LMX1A: variants seen among roughly 807,000 people sequenced by gnomAD.
The protein encoded by LMX1A is LIM homeobox transcription factor 1 alpha.
A neutral mutation model predicts 49.1 loss-of-function variants in LMX1A; 15 were observed. That is an observed-to-expected ratio of 0.31 (90% CI 0.20 to 0.47). The LOEUF (loss-of-function observed/expected upper bound fraction) is 0.47, where lower values mean the gene tolerates loss of function less well. LMX1A is among the 20% of genes least tolerant of loss of function. LMX1A has a pLI of 1.00. For synonymous variants in LMX1A, 167 were observed against 185.7 expected (o/e 0.90, Z 0.82); for missense variants, 372 against 475.8 (o/e 0.78, Z 2.03).
chr1:165,321,853 A>G (rs1196962984), intron 3 of LMX1A, among the ~76,000 whole-genome samples: 2 of 152,202 alleles, frequency 1.3e-5, no homozygotes, highest in African/African-American at 2.4e-5. Context: ...TTTGCAAATC[A>G]TATAACATAT....
At chr1:165,246,522 C>T (rs1440446386) in intron 4 of LMX1A, among the ~76,000 whole-genome samples, 1 of 152,180 alleles carries the variant, frequency 6.6e-6, no homozygotes, top group East Asian at 1.9e-4. Flanking sequence ...AGTAGTTTTA[C>T]TCTTTGTTAG....
intron 8 of LMX1A, 113 bp from the exon 9 acceptor site, chr1:165,204,153 A>C: frequency 8.9e-7 from 1 of 1,123,002 alleles, no homozygotes; most frequent in Non-Finnish European, 1.3e-6. Flanking sequence ...TCCAGGTGAA[A>C]CTTTCTACAA....
At chr1:165,350,602 C>T (rs995983245) in intron 3 of LMX1A, among the ~76,000 whole-genome samples, 24 of 151,960 alleles carry the variant, frequency 1.6e-4, no homozygotes, top group East Asian at 1.2e-3. Context: ...GATACCAACA[C>T]GCAGACTAAG....
intron 4 of LMX1A, among the ~76,000 whole-genome samples, chr1:165,242,942 AAAAAAC>A (rs1457958056): frequency 1.3e-5 from 2 of 151,366 alleles, no homozygotes; most frequent in Admixed American, 6.6e-5. Flanking sequence ...AAAAAAAAAA[AAAAAAC>A]AAAACAAAAA....
At chr1:165,226,093 T>C (rs1242605689) in intron 4 of LMX1A, among the ~76,000 whole-genome samples, 5 of 152,128 alleles carry the variant, frequency 3.3e-5, no homozygotes, top group Admixed American at 2.6e-4. Context: ...AGGACAAGTA[T>C]AACGTAACCT....
intron 3 of LMX1A, among the ~76,000 whole-genome samples, chr1:165,273,845 A>G (rs1049724214): frequency 6.6e-6 from 1 of 152,240 alleles, no homozygotes; most frequent in Non-Finnish European, 1.5e-5. Context: ...ATGAAGGCCA[A>G]CTACAAATGA....
intron 4 of LMX1A, among the ~76,000 whole-genome samples, chr1:165,224,998 C>A (rs910010728): frequency 1.3e-5 from 2 of 152,092 alleles, no homozygotes; most frequent in Non-Finnish European, 2.9e-5. Context: ...AAGAGAAACC[C>A]CAAATTATGC....
At chr1:165,303,197 G>A (rs577895786) in intron 3 of LMX1A, among the ~76,000 whole-genome samples, 1 of 152,272 alleles carries the variant, frequency 6.6e-6, no homozygotes, top group Non-Finnish European at 1.5e-5. Context: ...AACGCTCCTT[G>A]TGTGCCAAAA....
At position 165,310,888 on chromosome 1, in the gene LMX1A, G is replaced by A. The variant is rs117724836; in HGVS notation, c.263+42188C>T. On this transcript the variant is annotated intron_variant, in intron 3 of 8. Transcript: ENST00000342310. ...TATGTTGTATTTGATTATGATTCCC[G>A]GAATAATCTTGGATAAATGTGATCA... Among the ~76,000 whole-genome samples, 14 of 152,214 alleles carry A rather than the reference G, an allele frequency of 9.2e-5. No individual in the cohort carries two copies. In the East Asian group the frequency reaches 2.7e-3, roughly 29 times the overall value.
At chr1:165,319,022 C>CAT (rs1464492712) in intron 3 of LMX1A, among the ~76,000 whole-genome samples, 1 of 137,284 alleles carries the variant, frequency 7.3e-6, no homozygotes, top group Non-Finnish European at 1.6e-5. Context: ...CACACACACA[C>CAT]ACACACACAC....
At chr1:165,301,033 T>C (rs1654759711) in intron 3 of LMX1A, among the ~76,000 whole-genome samples, 1 of 152,192 alleles carries the variant, frequency 6.6e-6, no homozygotes, top group Non-Finnish European at 1.5e-5. Context: ...TATGAAATCA[T>C]AGGAAAATTC....
chr1:165,210,652 CAGGAAACCAGCAACA>C, intron 6 of LMX1A, 32 bp downstream of exon 6: 1 of 1,447,294 alleles, frequency 6.9e-7, no homozygotes, highest in South Asian at 1.2e-5. Context: ...GTGATTATTT[CAGGAAACCAGCAACA>C]TGGGGACAGA....
At chr1:165,323,565 A>C (rs1425394221) in intron 3 of LMX1A, among the ~76,000 whole-genome samples, 1 of 152,224 alleles carries the variant, frequency 6.6e-6, no homozygotes, top group Non-Finnish European at 1.5e-5. Flanking sequence ...ATGCGTACCC[A>C]GATGCCACGT....
At chr1:165,301,778 C>A (rs35051379) in intron 3 of LMX1A, among the ~76,000 whole-genome samples, 33,386 of 152,052 alleles carry the variant, frequency 0.22, 3,911 homozygotes, top group Non-Finnish European at 0.25. Flanking sequence ...CAAACTGGTT[C>A]TTTTCTTTTT....
intron 3 of LMX1A, among the ~76,000 whole-genome samples, chr1:165,265,476 G>T (rs1653594437): frequency 6.6e-6 from 1 of 152,158 alleles, no homozygotes; most frequent in African/African-American, 2.4e-5. Flanking sequence ...CTCTTGTGGA[G>T]TTCCCTTTCA....
At chr1:165,320,844 A>C (rs1203662348) in intron 3 of LMX1A, among the ~76,000 whole-genome samples, 1 of 152,236 alleles carries the variant, frequency 6.6e-6, no homozygotes, top group Non-Finnish European at 1.5e-5. Context: ...TAAGTCAGAT[A>C]CATTGTAAGA....
chr1:165,206,511 T>G (rs1651086255), intron 7 of LMX1A, among the ~76,000 whole-genome samples: 1 of 152,212 alleles, frequency 6.6e-6, no homozygotes, highest in African/African-American at 2.4e-5. Context: ...TCTCTGAACC[T>G]GGGAAGAACA....
At chr1:165,245,197 A>C (rs1334379418) in intron 4 of LMX1A, among the ~76,000 whole-genome samples, 1 of 152,106 alleles carries the variant, frequency 6.6e-6, no homozygotes, top group Non-Finnish European at 1.5e-5. Flanking sequence ...CTGATCACCC[A>C]GGTAATGAGC....
chr1:165,224,726 G>A (rs76459349), intron 4 of LMX1A, among the ~76,000 whole-genome samples: 2,942 of 152,268 alleles, frequency 0.019, 95 homozygotes, highest in African/African-American at 0.068. Context: ...CTGGCAATGC[G>A]TTGCACAAAC....
Sources: gnomAD v4.1 joint callset for allele counts (sites outside exome capture counted in the v4.1 genomes callset) on GRCh38, gnomAD v4.1.1 for gene constraint, MANE v1.5 for transcripts, NCBI Gene and HGNC (gene_info 2026-07-23, HGNC 2026-07-21) for gene names.